The following ZBTB38 variants were observed in gnomAD, a reference collection of about 807,000 sequenced individuals.
ZBTB38 encodes zinc finger and BTB domain containing 38.
Under a neutral mutation model 76.8 loss-of-function variants are expected in ZBTB38, and 20 were observed. The observed-to-expected ratio is 0.26, with a 90% CI of 0.18 to 0.38. ZBTB38 has a LOEUF of 0.38. ZBTB38 is among the 10% of genes least tolerant of loss of function. ZBTB38 has a pLI of 1.00. For synonymous variants in ZBTB38, 504 were observed against 544.2 expected (o/e 0.93, Z 1.03); for missense variants, 1,082 against 1,482.3 (o/e 0.73, Z 4.43).
intron 2 of ZBTB38, among the ~76,000 whole-genome samples, chr3:141,377,238 C>T (rs1037092528): frequency 3.9e-5 from 6 of 152,238 alleles, no homozygotes; most frequent in African/African-American, 1.4e-4. Flanking sequence ...CCCCCCCATC[C>T]AGAAAGACCA....
chr3:141,406,597 T>C (rs6767899), intron 5 of ZBTB38, among the ~76,000 whole-genome samples: 41,442 of 151,960 alleles, frequency 0.27, 6,287 homozygotes, highest in Non-Finnish European at 0.34. Context: ...CAGGGCTCAT[T>C]TGGGAGTCTT....
intron 5 of ZBTB38, among the ~76,000 whole-genome samples, chr3:141,435,589 G>A (rs775927084): frequency 1.5e-4 from 23 of 151,408 alleles, no homozygotes; most frequent in Admixed American, 9.9e-4. Context: ...GTGAAACCCC[G>A]TCTCTACTAA....
chr3:141,339,096 T>C (rs1054803028), intron 1 of ZBTB38, among the ~76,000 whole-genome samples: 4 of 152,054 alleles, frequency 2.6e-5, no homozygotes, highest in Admixed American at 1.3e-4. Context: ...GAGTGGGCCA[T>C]GCCAAATCTC....
chr3:141,341,717 G>A lies in ZBTB38; in HGVS notation c.-739+17261G>A, dbSNP rs148747005. On this transcript the variant is annotated intron_variant, in intron 1 of 7. Transcript: ENST00000509842. ...TCCAAGAAGGAACTGCATAGCAGAG[G>A]CAAATGCTAGAGTGATGTCATCAGT... 2.2e-3 allele frequency among the ~76,000 whole-genome samples: 336 copies of A among 152,316 alleles called. 2 individuals carry two copies. Among genetic ancestry groups the A allele is most frequent in the African/African-American group, 7.8e-3 (325 of 41,570 alleles).
chr3:141,389,284 C>T (rs1197248290), intron 4 of ZBTB38: 1 of 152,078 alleles, frequency 6.6e-6, no homozygotes, highest in Admixed American at 6.5e-5. Context: ...AGAATTGAAC[C>T]TCTCTAATGG....
At chr3:141,331,090 A>G (rs1246159363) in intron 1 of ZBTB38, among the ~76,000 whole-genome samples, 1 of 152,244 alleles carries the variant, frequency 6.6e-6, no homozygotes, top group Non-Finnish European at 1.5e-5. Context: ...CAGCTCAAAT[A>G]TTATTACTAG....
At chr3:141,383,949 T>C (rs1946575529) in intron 3 of ZBTB38, among the ~76,000 whole-genome samples, 1 of 152,222 alleles carries the variant, frequency 6.6e-6, no homozygotes, top group Non-Finnish European at 1.5e-5. Context: ...TGCATACCCT[T>C]GCCACTAGTA....
At chr3:141,329,071 C>A (rs1019677543) in intron 1 of ZBTB38, among the ~76,000 whole-genome samples, 2 of 152,130 alleles carry the variant, frequency 1.3e-5, no homozygotes, top group Admixed American at 1.3e-4. Flanking sequence ...CTGAATACTA[C>A]AAATACAACA....
chr3:141,342,666 T>C (rs1340099196), intron 1 of ZBTB38, among the ~76,000 whole-genome samples: 1 of 149,090 alleles, frequency 6.7e-6, no homozygotes, highest in Non-Finnish European at 1.5e-5. Context: ...ACACAAACCC[T>C]CGTGCAAGAA....
chr3:141,360,406 A>T (rs777068718), intron 1 of ZBTB38, among the ~76,000 whole-genome samples: 61 of 152,204 alleles, frequency 4.0e-4, no homozygotes, highest in Non-Finnish European at 7.6e-4. Flanking sequence ...ATTTTTGTAC[A>T]TCAAAAAGGG....
chr3:141,403,704 G>T (rs1251995378), intron 4 of ZBTB38, among the ~76,000 whole-genome samples: 2 of 152,182 alleles, frequency 1.3e-5, no homozygotes, highest in African/African-American at 4.8e-5. Context: ...CCTTGAACAG[G>T]TTCCGTGGTC....
At chr3:141,344,488 C>G (rs1410504982) in intron 1 of ZBTB38, among the ~76,000 whole-genome samples, 1 of 152,236 alleles carries the variant, frequency 6.6e-6, no homozygotes, top group East Asian at 1.9e-4. Context: ...CTTGCCTCAG[C>G]CTCCTGAATA....
intron 5 of ZBTB38, among the ~76,000 whole-genome samples, chr3:141,421,683 C>G (rs1385835899): frequency 6.6e-6 from 1 of 152,156 alleles, no homozygotes; most frequent in South Asian, 2.1e-4. Flanking sequence ...TGGCTGGAGC[C>G]GTCCTCAGCC....
At chr3:141,393,516 A>AACTAC (rs1949504062) in intron 4 of ZBTB38, among the ~76,000 whole-genome samples, 1 of 152,180 alleles carries the variant, frequency 6.6e-6, no homozygotes, top group South Asian at 2.1e-4. Context: ...GAAAGGAAGG[A>AACTAC]ACTACACCAT....
chr3:141,402,252 G>C (rs1952297603), intron 4 of ZBTB38: 2 of 152,026 alleles, frequency 1.3e-5, no homozygotes, highest in Admixed American at 6.5e-5. Context: ...CCGGGCCCGC[G>C]GGGCTGCGGG....
chr3:141,435,691 C>G (rs1158625640), intron 5 of ZBTB38, among the ~76,000 whole-genome samples: 1 of 151,138 alleles, frequency 6.6e-6, no homozygotes, highest in Non-Finnish European at 1.5e-5. Flanking sequence ...ACCCTGGAGG[C>G]GGAGGTTGTA....
At position 141,444,564 on chromosome 3, in the gene ZBTB38, G is replaced by C. The variant is rs774511823; in HGVS notation, c.2176G>C (p.Val726Leu). 7 of 1,614,126 alleles carry C rather than the reference G, an allele frequency of 4.3e-6. No homozygotes were observed. In the East Asian group the frequency reaches 8.9e-5, roughly 21 times the overall value. Residue 726 changes from valine to leucine, a missense_variant, in exon 6 of 6, where the codon GTG (valine) becomes CTG (leucine). Physicochemically the swap from Val to Leu is conservative, Grantham distance 32. Coordinates refer to ENST00000321464, the MANE Select transcript of ZBTB38 (RefSeq NM_001376113.1). This position sits in a 1 kb window ranked among gnomAD's most constrained non-coding sequence, Gnocchi z 5.1. Reference protein sequence around the residue: ...VIVHSSQFSSVIMHSNAIAAM... With the variant: ...VIVHSSQFSSLIMHSNAIAAM... ...TGTACACAGCAGCCAGTTTTCATCG[G>C]TGATCATGCACAGCAATGCCATTGC...
chr3:141,361,241 G>A (rs995572132), intron 1 of ZBTB38, among the ~76,000 whole-genome samples: 6 of 152,206 alleles, frequency 3.9e-5, no homozygotes, highest in African/African-American at 1.4e-4. Flanking sequence ...AGATATGGCG[G>A]GGAGGGGAGG....
intron 5 of ZBTB38, among the ~76,000 whole-genome samples, chr3:141,440,160 A>G (rs1283294982): frequency 6.6e-6 from 1 of 152,258 alleles, no homozygotes; most frequent in Non-Finnish European, 1.5e-5. Context: ...TTAAATAAAG[A>G]AAATGAAACA....
Sources: gnomAD v4.1 joint callset for allele counts (sites outside exome capture counted in the v4.1 genomes callset) on GRCh38, gnomAD v4.1.1 for gene constraint, Gnocchi (gnomAD v3.1) non-coding constraint, MANE v1.5 for transcripts, NCBI Gene and HGNC (gene_info 2026-07-23, HGNC 2026-07-21) for gene names.